PRICKLE2: variants seen among roughly 807,000 people sequenced by gnomAD.
PRICKLE2 encodes the protein prickle-like protein 2.
Under a neutral mutation model 81.4 loss-of-function variants are expected in PRICKLE2, and 21 were observed. That is an observed-to-expected ratio of 0.26 (90% CI 0.18 to 0.37). The LOEUF is 0.37. Among genes scored for constraint, PRICKLE2 ranks in the 10% least tolerant of loss-of-function variants. The probability of loss-of-function intolerance (pLI) is 1.00; values close to 1 mark genes in which losing one functional copy is unlikely to be tolerated. For synonymous variants in PRICKLE2, 456 were observed against 421.5 expected, an observed-to-expected ratio of 1.08 and a Z score of -1.00; for missense variants, 940 against 1,109.0, an observed-to-expected ratio of 0.85 and a Z score of 2.16.
At chr3:64,251,785 C>A (rs2079450277) in intron 2 of PRICKLE2, among the ~76,000 whole-genome samples, 1 of 152,158 alleles carries the variant, frequency 6.6e-6, no homozygotes, top group African/African-American at 2.4e-5. Flanking sequence ...TCCCTTGCTG[C>A]AGAGCAATCT....
chr3:64,248,526 G>A lies in PRICKLE2; in HGVS notation c.129-49559C>T, dbSNP rs923093884. On this transcript the variant is annotated intron_variant, in intron 2 of 8. Transcript: ENST00000295902. ...AGCCTTTCTAGCTGTCAAGAAGGTGGTGACTTGAACCACAGATCAATCACC... is the reference window on the plus strand; with the variant it reads ...AGCCTTTCTAGCTGTCAAGAAGGTGATGACTTGAACCACAGATCAATCACC... 3.3e-5 allele frequency among the ~76,000 whole-genome samples: 5 copies of A among 152,208 alleles called. No homozygotes were observed. In the South Asian group the frequency reaches 6.2e-4, roughly 19 times the overall value.
At chr3:64,172,903 T>G (rs1209553226) in intron 2 of PRICKLE2, among the ~76,000 whole-genome samples, 1 of 152,196 alleles carries the variant, frequency 6.6e-6, no homozygotes, top group African/African-American at 2.4e-5. Context: ...AAGAAAAGCC[T>G]CACCAGAAAT....
intron 2 of PRICKLE2, among the ~76,000 whole-genome samples, chr3:64,260,499 C>G (rs1454322366): frequency 6.6e-6 from 1 of 152,218 alleles, no homozygotes; most frequent in Non-Finnish European, 1.5e-5. Context: ...GAAGGGGCCC[C>G]TTTAATTCTT....
chr3:64,267,959 G>A (rs975492960), intron 2 of PRICKLE2: 1 of 152,318 alleles, frequency 6.6e-6, no homozygotes, highest in Non-Finnish European at 1.5e-5. Context: ...GAAACTGCGG[G>A]GGAGCCGGGG....
chr3:64,148,276 A>G (rs917283436), intron 6 of PRICKLE2, among the ~76,000 whole-genome samples: 10 of 152,218 alleles, frequency 6.6e-5, no homozygotes, highest in African/African-American at 2.4e-4. Context: ...AAGTCTTCCT[A>G]TCCACACTAA....
At chr3:64,235,477 T>C (rs1052970506) in intron 2 of PRICKLE2, among the ~76,000 whole-genome samples, 1 of 152,206 alleles carries the variant, frequency 6.6e-6, no homozygotes, top group African/African-American at 2.4e-5. Context: ...AAATGGACAT[T>C]GTAGATACTA....
intron 2 of PRICKLE2, among the ~76,000 whole-genome samples, chr3:64,240,970 G>A (rs1225585223): frequency 6.6e-6 from 1 of 152,148 alleles, no homozygotes; most frequent in Non-Finnish European, 1.5e-5. Flanking sequence ...GCATGGAGCT[G>A]GAATTTGGCC....
At chr3:64,108,286 C>T (rs948376415) in intron 7 of PRICKLE2, among the ~76,000 whole-genome samples, 28 of 152,198 alleles carry the variant, frequency 1.8e-4, no homozygotes, top group Non-Finnish European at 3.7e-4. Context: ...CCTCTCAGAC[C>T]GTGCAAAAAG....
intron 7 of PRICKLE2, chr3:64,101,428 A>G (rs1281215583): frequency 2.0e-5 from 3 of 152,220 alleles, no homozygotes; most frequent in African/African-American, 7.2e-5. Context: ...AAGAACCAGG[A>G]TCTTGTTATG....
chr3:64,190,920 G>C (rs2078321170), intron 2 of PRICKLE2, among the ~76,000 whole-genome samples: 1 of 152,326 alleles, frequency 6.6e-6, no homozygotes, highest in African/African-American at 2.4e-5. Flanking sequence ...AGGCACCAAG[G>C]AAGGTGGGTG....
At chr3:64,264,945 G>A (rs961715481) in intron 2 of PRICKLE2, among the ~76,000 whole-genome samples, 14 of 152,110 alleles carry the variant, frequency 9.2e-5, no homozygotes, top group Non-Finnish European at 1.8e-4. Context: ...ATTCTCAAAG[G>A]CCTCTGGGCT....
intron 7 of PRICKLE2, among the ~76,000 whole-genome samples, chr3:64,103,709 GTGGCTCATGCCTGTAA>G (rs1235594229): frequency 2.0e-5 from 3 of 152,232 alleles, no homozygotes; most frequent in African/African-American, 7.2e-5. Context: ...GCCAGGTGTG[GTGGCTCATGCCTGTAA>G]TCCCAGCACT....
intron 1 of PRICKLE2, among the ~76,000 whole-genome samples, chr3:64,211,026 T>G (rs2078777414): frequency 6.6e-6 from 1 of 152,174 alleles, no homozygotes; most frequent in South Asian, 2.1e-4. Flanking sequence ...GCTGAGGACC[T>G]CTGGGAGACA....
At chr3:64,199,293 A>C (rs1050252164) in intron 1 of PRICKLE2, 29 of 453,592 alleles carry the variant, frequency 6.4e-5, no homozygotes, top group Admixed American at 3.1e-4. Flanking sequence ...AGACCACTGG[A>C]TATGGCCCAT....
chr3:64,237,358 T>C (rs2079197992), intron 2 of PRICKLE2, among the ~76,000 whole-genome samples: 1 of 152,134 alleles, frequency 6.6e-6, no homozygotes, highest in Admixed American at 6.5e-5. Flanking sequence ...TATTGCCAAT[T>C]AAAGTGGCTC....
intron 2 of PRICKLE2, 92 bp from the exon 3 acceptor site, chr3:64,163,221 G>A (rs1199272229): frequency 3.7e-6 from 3 of 820,956 alleles, no homozygotes. Context: ...CCAGCAGGAT[G>A]TAACTGACTT....
At position 64,131,070 on chromosome 3, in the gene PRICKLE2, G is replaced by C. The variant is rs141098884; in HGVS notation, c.1660+15760C>G. 2.1e-4 allele frequency among the ~76,000 whole-genome samples: 32 copies of C among 152,352 alleles called. 1 individual carries two copies. The highest frequency in any genetic ancestry group is 7.7e-4 in the African/African-American group (32 of 41,580). On this transcript the variant is annotated intron_variant, in intron 7 of 7. Coordinates refer to ENST00000638394, the MANE Select transcript of PRICKLE2 (RefSeq NM_198859.4). ...TCCATGTTAACCAGAGCAAAGCTGA[G>C]TGTGGTAAAAGGCCTCAAACCTGAG...
At chr3:64,251,971 T>C (rs1307414717) in intron 2 of PRICKLE2, among the ~76,000 whole-genome samples, 1 of 152,168 alleles carries the variant, frequency 6.6e-6, no homozygotes, top group African/African-American at 2.4e-5. Flanking sequence ...GATGGGGGCT[T>C]CTTGCCATTT....
intron 1 of PRICKLE2, among the ~76,000 whole-genome samples, chr3:64,207,594 G>C (rs2078709870): frequency 6.6e-6 from 1 of 152,108 alleles, no homozygotes; most frequent in Admixed American, 6.6e-5. Context: ...CCAGATAAGC[G>C]GGTCTGTTCT....
Sources: gnomAD v4.1 joint callset for allele counts (sites outside exome capture counted in the v4.1 genomes callset) on GRCh38, gnomAD v4.1.1 for gene constraint, MANE v1.5 for transcripts, NCBI Gene and HGNC (gene_info 2026-07-23, HGNC 2026-07-21) for gene names.